The following ZFHX3 variants were observed in gnomAD, a reference collection of about 807,000 sequenced individuals.
ZFHX3 encodes the protein zinc finger homeobox 3.
Under a neutral mutation model 279.1 loss-of-function variants are expected in ZFHX3, and 42 were observed. The observed-to-expected ratio is 0.15, with a 90% CI of 0.12 to 0.19. The LOEUF is 0.19. Among genes scored for constraint, ZFHX3 ranks in the 10% least tolerant of loss-of-function variants. The pLI is 1.00. For missense variants in ZFHX3, 4,981 were observed against 4,754.0 expected (o/e 1.05, Z -1.40); for synonymous variants, 2,293 against 1,957.8 (o/e 1.17, Z -4.52).
At chr16:73,434,370 A>G (rs781714192) in intron 3 of ZFHX3, among the ~76,000 whole-genome samples, 23 of 152,224 alleles carry the variant, frequency 1.5e-4, no homozygotes, top group Non-Finnish European at 3.1e-4. Context: ...GCAGGGACTG[A>G]GGACTAATTA....
chr16:72,936,975 C>T (rs1960157953), intron 3 of ZFHX3, among the ~76,000 whole-genome samples: 1 of 152,044 alleles, frequency 6.6e-6, no homozygotes, highest in Non-Finnish European at 1.5e-5. Context: ...GATGGTTTGG[C>T]TGTAGGGGAG....
intron 3 of ZFHX3, among the ~76,000 whole-genome samples, chr16:73,425,277 G>C (rs563655908): frequency 9.2e-5 from 14 of 152,222 alleles, no homozygotes; most frequent in Non-Finnish European, 1.9e-4. Flanking sequence ...CTTGGGATGC[G>C]TGCTGATGCT....
At chr16:73,054,389 C>T (rs533160538) in intron 1 of ZFHX3, among the ~76,000 whole-genome samples, 2 of 139,082 alleles carry the variant, frequency 1.4e-5, no homozygotes, top group South Asian at 2.6e-4. Flanking sequence ...TACTTTCTGA[C>T]GTGCAATCAA....
intron 4 of ZFHX3, among the ~76,000 whole-genome samples, chr16:72,874,197 G>GTTTTTT (rs2038242298): frequency 3.3e-5 from 3 of 89,698 alleles, no homozygotes; most frequent in Admixed American, 1.3e-4. Context: ...AGGATTTTTT[G>GTTTTTT]ATTTTTTTTT....
chr16:73,263,617 G>A (rs1035934513), intron 4 of ZFHX3, among the ~76,000 whole-genome samples: 1 of 152,160 alleles, frequency 6.6e-6, no homozygotes, highest in African/African-American at 2.4e-5. Context: ...TACAAATGGA[G>A]GGATAAATGT....
chr16:73,682,930 GAA>G (rs879308511), intron 1 of ZFHX3, among the ~76,000 whole-genome samples: 9,601 of 30,838 alleles, frequency 0.31, 1,391 homozygotes, highest in Non-Finnish European at 0.36. Context: ...GAAAGAGAAA[GAA>G]AGAAAGAAAG....
chr16:73,608,192 G>A (rs13334891), intron 2 of ZFHX3, among the ~76,000 whole-genome samples: 8 of 152,126 alleles, frequency 5.3e-5, no homozygotes, highest in Non-Finnish European at 1.2e-4. Flanking sequence ...TGTGGAAATT[G>A]GCTTTAAGCC....
chr16:73,769,164 G>A (rs2053988436), intron 1 of ZFHX3, among the ~76,000 whole-genome samples: 2 of 152,188 alleles, frequency 1.3e-5, no homozygotes, highest in South Asian at 4.2e-4. Context: ...TGGTAGACTG[G>A]GAATCTAAGA....
At chr16:73,118,461 G>A (rs751834040) in intron 7 of ZFHX3, among the ~76,000 whole-genome samples, 3 of 152,020 alleles carry the variant, frequency 2.0e-5, no homozygotes, top group African/African-American at 4.8e-5. Flanking sequence ...TACCTGCCCC[G>A]CCTCCCAAAG....
chr16:73,146,170 C>T (rs1405692275), intron 5 of ZFHX3, among the ~76,000 whole-genome samples: 1 of 152,132 alleles, frequency 6.6e-6, no homozygotes, highest in Non-Finnish European at 1.5e-5. Context: ...TGACTCACGC[C>T]TAGAATCCCA....
chr16:73,343,951 T>C (rs2016079986), intron 3 of ZFHX3, among the ~76,000 whole-genome samples: 2 of 152,176 alleles, frequency 1.3e-5, no homozygotes, highest in African/African-American at 4.8e-5. Flanking sequence ...TGTGAAATGA[T>C]GGAATTAGAA....
intron 1 of ZFHX3, among the ~76,000 whole-genome samples, chr16:73,769,444 A>G (rs1173193337): frequency 6.6e-6 from 1 of 152,190 alleles, no homozygotes; most frequent in Admixed American, 6.5e-5. Flanking sequence ...TGTACAGTAT[A>G]TTACACAAAT....
chr16:73,022,945 T>C (rs1964358230), intron 1 of ZFHX3, among the ~76,000 whole-genome samples: 1 of 152,166 alleles, frequency 6.6e-6, no homozygotes, highest in Non-Finnish European at 1.5e-5. Flanking sequence ...ACATAGTATG[T>C]GGCCAGGTGC....
chr16:73,594,270 AC>A (rs1206845182), intron 2 of ZFHX3, among the ~76,000 whole-genome samples: 3 of 152,190 alleles, frequency 2.0e-5, no homozygotes. Context: ...AGCATAAAAT[AC>A]ATCTAGAAAT....
chr16:72,979,817 G>GT (rs1291995404), intron 1 of ZFHX3, among the ~76,000 whole-genome samples: 1 of 152,174 alleles, frequency 6.6e-6, no homozygotes, highest in African/African-American at 2.4e-5. Flanking sequence ...TAAAATGCAT[G>GT]TAAGAATAAC....
At chr16:72,819,879 G>A (rs1036171949) in intron 5 of ZFHX3, among the ~76,000 whole-genome samples, 1 of 152,248 alleles carries the variant, frequency 6.6e-6, no homozygotes, top group Non-Finnish European at 1.5e-5. Context: ...AATAAGGACA[G>A]ACTTCCTTGT....
intron 3 of ZFHX3, among the ~76,000 whole-genome samples, chr16:72,942,334 T>C (rs1278358223): frequency 6.6e-6 from 1 of 152,190 alleles, no homozygotes; most frequent in Non-Finnish European, 1.5e-5. Flanking sequence ...TTGCACAAAA[T>C]TCTCCTAAGG....
At chr16:73,453,910 A>G (rs2018325437) in intron 3 of ZFHX3, among the ~76,000 whole-genome samples, 1 of 152,038 alleles carries the variant, frequency 6.6e-6, no homozygotes. Context: ...TGATTCGATT[A>G]CCTCCCACCA....
chr16:73,745,786 T>C (rs2053698315), intron 1 of ZFHX3, among the ~76,000 whole-genome samples: 1 of 152,190 alleles, frequency 6.6e-6, no homozygotes, highest in Admixed American at 6.6e-5. Context: ...ACTCAAGTTA[T>C]CGATACCCTC....
Sources: allele counts gnomAD v4.1 joint callset (sites outside exome capture counted in the v4.1 genomes callset), GRCh38; gene constraint gnomAD v4.1.1; transcripts MANE v1.5; gene names NCBI Gene and HGNC (gene_info 2026-07-23, HGNC 2026-07-21).